Variants in SGCZ observed in about 807,000 individuals in gnomAD.
SGCZ encodes zeta-sarcoglycan.
In SGCZ, 40 loss-of-function variants were observed where a neutral mutation model predicts 41.3. The ratio of observed to expected loss-of-function variants is 0.97; its 90% CI spans 0.75 to 1.26. The LOEUF (loss-of-function observed/expected upper bound fraction) is 1.26, where lower values mean the gene tolerates loss of function less well. Ranked by LOEUF, SGCZ falls within the 50% of genes most tolerant of loss-of-function variation. The probability of loss-of-function intolerance (pLI) is 0.00; values close to 1 mark genes in which losing one functional copy is unlikely to be tolerated. For synonymous variants in SGCZ, 206 were observed against 137.5 expected (o/e 1.50, Z -3.49); for missense variants, 552 against 369.8 (o/e 1.49, Z -4.04).
At chr8:14,358,793 T>A (rs1406584305) in intron 2 of SGCZ, among the ~76,000 whole-genome samples, 2 of 151,922 alleles carry the variant, frequency 1.3e-5, no homozygotes, top group African/African-American at 4.8e-5. Flanking sequence ...GAGTTTTTAG[T>A]AGAGATGGGG....
rs185123714 is a variant in SGCZ, at chr8:14,871,269, C to A, written c.40-316343G>T. ...GGAGAGAATGTGGAGAAACAGGAAC[C>A]CTTTTACACTGTTGGTGGGAGTGTA... On this transcript the variant is annotated intron_variant, in intron 1 of 7. Transcript: ENST00000382080. Among the ~76,000 whole-genome samples the A allele has an allele frequency of 3.6e-4, 54 of 152,082 alleles. 2 individuals are homozygous for A. The East Asian group carries it at 9.1e-3, about 26-fold the overall frequency.
chr8:15,050,456 C>A (rs1248652759), intron 1 of SGCZ, among the ~76,000 whole-genome samples: 1 of 152,098 alleles, frequency 6.6e-6, no homozygotes, highest in Admixed American at 6.6e-5. Flanking sequence ...GGCATAGGAT[C>A]TATTGGTACA....
chr8:14,497,044 A>C (rs1802008538), intron 2 of SGCZ, among the ~76,000 whole-genome samples: 2 of 152,194 alleles, frequency 1.3e-5, no homozygotes, highest in Non-Finnish European at 2.9e-5. Context: ...TAACACTGAC[A>C]TCCAGCTACC....
chr8:14,395,473 C>G (rs1313667786), intron 2 of SGCZ, among the ~76,000 whole-genome samples: 1 of 152,134 alleles, frequency 6.6e-6, no homozygotes, highest in Non-Finnish European at 1.5e-5. Flanking sequence ...CCCATATAAT[C>G]AGCAATGGCA....
At chr8:14,190,367 A>ATG (rs377765050) in intron 4 of SGCZ, among the ~76,000 whole-genome samples, 2 of 150,788 alleles carry the variant, frequency 1.3e-5, no homozygotes, top group South Asian at 2.1e-4. Context: ...GTATGTATGT[A>ATG]TGTGTGTGTG....
chr8:15,203,178 C>T (rs983591379), intron 1 of SGCZ, among the ~76,000 whole-genome samples: 1 of 152,100 alleles, frequency 6.6e-6, no homozygotes, highest in East Asian at 1.9e-4. Context: ...CTATTATATT[C>T]TGCCTCGGTA....
chr8:14,809,295 G>C (rs1254304982), intron 1 of SGCZ, among the ~76,000 whole-genome samples: 5 of 152,054 alleles, frequency 3.3e-5, no homozygotes, highest in Admixed American at 2.6e-4. Flanking sequence ...AAGGAGAAAT[G>C]TGTAAGAAAA....
At chr8:14,324,006 C>T (rs1802012019) in intron 3 of SGCZ, 97 bp downstream of exon 3, 3 of 728,522 alleles carry the variant, frequency 4.1e-6, no homozygotes, top group Non-Finnish European at 6.9e-6. Flanking sequence ...AAACTAAACA[C>T]ATGCTGAAGA....
intron 1 of SGCZ, among the ~76,000 whole-genome samples, chr8:14,812,095 A>C (rs542043708): frequency 6.6e-6 from 1 of 152,108 alleles, no homozygotes; most frequent in East Asian, 1.9e-4. Flanking sequence ...AATTCAACTG[A>C]AACAGTACAA....
At chr8:14,405,055 G>A (rs529279612) in intron 2 of SGCZ, among the ~76,000 whole-genome samples, 222 of 152,240 alleles carry the variant, frequency 1.5e-3, no homozygotes, top group Non-Finnish European at 2.6e-3. Flanking sequence ...TCCTCCATGT[G>A]GCCCTTGCTC....
chr8:15,055,076 T>A (rs1214818444), intron 1 of SGCZ, among the ~76,000 whole-genome samples: 2 of 152,084 alleles, frequency 1.3e-5, no homozygotes, highest in Non-Finnish European at 2.9e-5. Flanking sequence ...AAAGAATAAG[T>A]GCCATCCTTG....
intron 2 of SGCZ, among the ~76,000 whole-genome samples, chr8:14,400,408 C>T (rs1799038682): frequency 6.6e-6 from 1 of 152,016 alleles, no homozygotes; most frequent in African/African-American, 2.4e-5. Flanking sequence ...CACAAAGTTG[C>T]TACCACTTTT....
At chr8:15,051,720 G>A (rs942293204) in intron 1 of SGCZ, among the ~76,000 whole-genome samples, 15 of 152,076 alleles carry the variant, frequency 9.9e-5, no homozygotes, top group African/African-American at 3.4e-4. Flanking sequence ...ATATCTCATT[G>A]TGGTTTTAAC....
chr8:14,271,476 T>C (rs1232118606), intron 3 of SGCZ, among the ~76,000 whole-genome samples: 1 of 152,218 alleles, frequency 6.6e-6, no homozygotes, highest in East Asian at 1.9e-4. Flanking sequence ...CTGAAGGAGA[T>C]GTCTCATTTG....
At chr8:14,613,802 C>G (rs865889206) in intron 1 of SGCZ, among the ~76,000 whole-genome samples, 2 of 152,026 alleles carry the variant, frequency 1.3e-5, no homozygotes, top group South Asian at 2.1e-4. Flanking sequence ...GTTGGCCACT[C>G]TTTTCAAGGA....
At chr8:14,697,371 C>G (rs1231760020) in intron 1 of SGCZ, among the ~76,000 whole-genome samples, 1 of 152,024 alleles carries the variant, frequency 6.6e-6, no homozygotes, top group African/African-American at 2.4e-5. Flanking sequence ...TTAAATGAAA[C>G]AATTCACATC....
At chr8:14,133,964 T>A (rs1319030731) in intron 5 of SGCZ, among the ~76,000 whole-genome samples, 1 of 152,196 alleles carries the variant, frequency 6.6e-6, no homozygotes, top group Non-Finnish European at 1.5e-5. Context: ...GCTGTGTGTA[T>A]TGCAATTTTA....
intron 1 of SGCZ, among the ~76,000 whole-genome samples, chr8:14,652,838 A>G (rs1413307741): frequency 1.3e-5 from 2 of 152,236 alleles, no homozygotes; most frequent in African/African-American, 2.4e-5. Context: ...CAAGTCTACA[A>G]TGAATTTGGG....
At chr8:14,919,041 G>A (rs552794423) in intron 1 of SGCZ, among the ~76,000 whole-genome samples, 23 of 152,242 alleles carry the variant, frequency 1.5e-4, no homozygotes, top group Admixed American at 3.3e-4. Flanking sequence ...TGTCAGTGGA[G>A]ATAATAGCAA....
Sources: allele counts gnomAD v4.1 joint callset (sites outside exome capture counted in the v4.1 genomes callset), GRCh38; gene constraint gnomAD v4.1.1; transcripts MANE v1.5; gene names NCBI Gene and HGNC (gene_info 2026-07-23, HGNC 2026-07-21).